The following TENM1 variants were observed in gnomAD, a reference collection of about 807,000 sequenced individuals.
TENM1 encodes the protein teneurin-1.
TENM1 carries 35 observed loss-of-function variants against 174.8 expected under a neutral mutation model. The ratio of observed to expected loss-of-function variants is 0.20; its 90% CI spans 0.15 to 0.27. The LOEUF is 0.27. Among genes scored for constraint, TENM1 ranks in the 10% least tolerant of loss-of-function variants. TENM1 has a pLI of 1.00. For synonymous variants in TENM1, 781 were observed against 798.7 expected (o/e 0.98, Z 0.37); for missense variants, 1,633 against 2,130.1 (o/e 0.77, Z 4.59).
intron 22 of TENM1, among the ~76,000 whole-genome samples, chrX:124,475,584 C>T (rs1288696504): frequency 8.9e-6 from 1 of 112,153 alleles, no homozygotes; most frequent in Non-Finnish European, 1.9e-5. Flanking sequence ...TTGCCTAATG[C>T]AATAGCTACA....
chrX:125,020,730 A>T, the TENM1 span, among the ~76,000 whole-genome samples: 1 of 111,097 alleles, frequency 9.0e-6, no homozygotes, highest in Non-Finnish European at 1.9e-5. Flanking sequence ...GAATCAAATT[A>T]ACTATATAAC....
At chrX:124,760,345 G>A (rs1288017554) in intron 3 of TENM1, among the ~76,000 whole-genome samples, 2 of 111,632 alleles carry the variant, frequency 1.8e-5, no homozygotes, top group East Asian at 2.8e-4. Flanking sequence ...TTCCGGTGAC[G>A]GCTCTATTCC....
chrX:125,035,251 T>G, the TENM1 span, among the ~76,000 whole-genome samples: 2 of 111,631 alleles, frequency 1.8e-5, no homozygotes, highest in Non-Finnish European at 3.8e-5. Context: ...CCAGATTTTT[T>G]GTAGAGTTGA....
chrX:125,013,792 G>T, the TENM1 span, among the ~76,000 whole-genome samples: 42 of 111,771 alleles, frequency 3.8e-4, no homozygotes, highest in Middle Eastern at 4.7e-3. Context: ...CAGTTAATTG[G>T]CAGGCAACAG....
chrX:124,617,206 G>T (rs1181007695), intron 11 of TENM1, among the ~76,000 whole-genome samples: 1 of 111,771 alleles, frequency 8.9e-6, no homozygotes, highest in Non-Finnish European at 1.9e-5. Context: ...TGCCCTAAAA[G>T]GCAATCCTGA....
the TENM1 span, among the ~76,000 whole-genome samples, chrX:125,179,450 C>CA: frequency 3.8e-5 from 4 of 106,303 alleles, no homozygotes; most frequent in African/African-American, 6.8e-5. Flanking sequence ...CCCATCTCTA[C>CA]AAAAAAAAAA....
chrX:125,053,297 G>A, the TENM1 span, among the ~76,000 whole-genome samples: 2 of 111,344 alleles, frequency 1.8e-5, no homozygotes, highest in Non-Finnish European at 3.8e-5. Context: ...CCTTTGGCTT[G>A]CTTTTCTAGG....
chrX:124,479,341 T>A (rs762896939), intron 22 of TENM1, among the ~76,000 whole-genome samples: 1 of 112,100 alleles, frequency 8.9e-6, no homozygotes, highest in East Asian at 2.8e-4. Context: ...CTGTCTGAAG[T>A]CTGGGCCAGA....
the TENM1 span, among the ~76,000 whole-genome samples, chrX:125,080,510 TTGCATACTTTTGC>T: frequency 1.8e-5 from 2 of 111,611 alleles, no homozygotes; most frequent in South Asian, 7.6e-4. Flanking sequence ...GTTAGGTGCT[TTGCATACTTTTGC>T]TCCTCATTTT....
Position 124,791,249 on chromosome X carries a change from G to A in TENM1, c.536-54052C>T, listed in dbSNP as rs905860674. On this transcript the variant is annotated intron_variant, in intron 3 of 31. Transcript: ENST00000422452. ...TTATAACGATTTCTGAAAAAGCAGCGGTTGGCTACATGACCTGTCCTATTT... is the reference window on the plus strand; with the variant it reads ...TTATAACGATTTCTGAAAAAGCAGCAGTTGGCTACATGACCTGTCCTATTT... Among the ~76,000 whole-genome samples, 6 of 111,708 alleles carry A rather than the reference G, an allele frequency of 5.4e-5. No individual in the cohort carries two copies. The East Asian group carries it at 8.4e-4, about 16-fold the overall frequency.
At chrX:124,859,502 C>T (rs1204743579) in intron 3 of TENM1, among the ~76,000 whole-genome samples, 1 of 105,380 alleles carries the variant, frequency 9.5e-6, no homozygotes. Flanking sequence ...CAAGATAGTG[C>T]CACTGCACTC....
intron 3 of TENM1, among the ~76,000 whole-genome samples, chrX:124,810,996 C>A (rs899081344): frequency 1.8e-5 from 2 of 111,082 alleles, no homozygotes; most frequent in Non-Finnish European, 3.8e-5. Flanking sequence ...TATCCACATG[C>A]AGAGGAATGA....
At chrX:125,182,798 G>A in the TENM1 span, among the ~76,000 whole-genome samples, 4 of 111,386 alleles carry the variant, frequency 3.6e-5, no homozygotes, top group African/African-American at 6.5e-5. Context: ...TAAATAAAAA[G>A]TGCTTCTTCT....
At chrX:124,671,939 T>C in intron 5 of TENM1, 104 bp from the exon 9 acceptor site, 3 of 874,022 alleles carry the variant, frequency 3.4e-6, no homozygotes, top group Non-Finnish European at 4.9e-6. Flanking sequence ...AGTTTTCTTT[T>C]AGTTAGGCCA....
exon 32 of TENM1, chrX:124,379,426 G>T (rs1008888366): frequency 8.9e-6 from 1 of 112,244 alleles, no homozygotes; most frequent in Admixed American, 9.5e-5. Context: ...AATCTAAGTG[G>T]GCTGAAACAA....
At chrX:124,776,562 G>A (rs1302860325) in intron 3 of TENM1, among the ~76,000 whole-genome samples, 2 of 111,964 alleles carry the variant, frequency 1.8e-5, no homozygotes, top group Middle Eastern at 9.3e-3. Flanking sequence ...AAACCTTTTC[G>A]ATGAATATCG....
the TENM1 span, among the ~76,000 whole-genome samples, chrX:125,077,564 A>G: frequency 2.7e-5 from 3 of 111,482 alleles, no homozygotes; most frequent in Non-Finnish European, 5.7e-5. Context: ...ACGTATTCTC[A>G]TGTTAAGAAT....
intron 27 of TENM1, among the ~76,000 whole-genome samples, chrX:124,396,534 C>T (rs1178984423): frequency 2.7e-5 from 3 of 110,233 alleles, no homozygotes; most frequent in Non-Finnish European, 3.8e-5. Flanking sequence ...GAACTCCTGA[C>T]CTCAGGCAAT....
At chrX:124,476,141 G>A (rs760185954) in intron 22 of TENM1, among the ~76,000 whole-genome samples, 188 of 111,637 alleles carry the variant, frequency 1.7e-3, no homozygotes, top group Non-Finnish European at 2.7e-3. Flanking sequence ...AACATTCTAT[G>A]TCTGTTTCTT....
Sources: allele counts gnomAD v4.1 joint callset (sites outside exome capture counted in the v4.1 genomes callset), GRCh38; gene constraint gnomAD v4.1.1; transcripts MANE v1.5; gene names NCBI Gene and HGNC (gene_info 2026-07-23, HGNC 2026-07-21).